The following CLYBL variants were observed in gnomAD, a reference collection of about 807,000 sequenced individuals.
CLYBL encodes citramalyl-CoA lyase, mitochondrial.
A neutral mutation model predicts 38.9 loss-of-function variants in CLYBL; 31 were observed. The observed-to-expected ratio is 0.80, with a 90% confidence interval of 0.60 to 1.08. CLYBL has a LOEUF of 1.08. Ranked by LOEUF, CLYBL falls within the 50% of genes least tolerant of loss-of-function variation. The probability of loss-of-function intolerance (pLI) is 0.00; values close to 1 mark genes in which losing one functional copy is unlikely to be tolerated. For synonymous variants in CLYBL, 171 were observed against 158.6 expected, an observed-to-expected ratio of 1.08 and a Z score of -0.59; for missense variants, 434 against 411.6, an observed-to-expected ratio of 1.05 and a Z score of -0.47.
chr13:99,830,032 G>A (rs1423408293), intron 2 of CLYBL, among the ~76,000 whole-genome samples: 1 of 152,142 alleles, frequency 6.6e-6, no homozygotes, highest in Non-Finnish European at 1.5e-5. Flanking sequence ...ACAAGCTCTC[G>A]GATGGGCTTC....
chr13:99,709,466 A>G (rs2048194952), intron 1 of CLYBL, among the ~76,000 whole-genome samples: 2 of 152,150 alleles, frequency 1.3e-5, no homozygotes, highest in South Asian at 4.1e-4. Context: ...GTCCTGGCCA[A>G]TGGGAGATAC....
At chr13:99,741,435 T>C (rs1566308665) in intron 1 of CLYBL, among the ~76,000 whole-genome samples, 1 of 152,194 alleles carries the variant, frequency 6.6e-6, no homozygotes, top group African/African-American at 2.4e-5. Context: ...CCAACCTTCA[T>C]CCATCGAGGG....
intron 1 of CLYBL, among the ~76,000 whole-genome samples, chr13:99,668,834 A>G (rs1056365716): frequency 6.6e-6 from 1 of 152,042 alleles, no homozygotes; most frequent in African/African-American, 2.4e-5. Context: ...GGATAAAATC[A>G]CACTCCAAGG....
chr13:99,725,112 C>T (rs562780611), intron 1 of CLYBL, among the ~76,000 whole-genome samples: 23 of 152,330 alleles, frequency 1.5e-4, no homozygotes, highest in African/African-American at 4.8e-4. Flanking sequence ...GGAAGAGGCA[C>T]GCACTGCAGA....
chr13:99,716,469 C>T (rs1395743234), intron 1 of CLYBL, among the ~76,000 whole-genome samples: 6 of 149,522 alleles, frequency 4.0e-5, no homozygotes, highest in Non-Finnish European at 7.4e-5. Flanking sequence ...CTGCAACCTC[C>T]GCCTCCCGGG....
In CLYBL at chr13:99,618,012, C is replaced by G. The variant is rs554967655; in HGVS notation, c.62+11255C>G. On this transcript the variant is annotated intron_variant, in intron 1 of 8. Transcript: ENST00000339105. ...TTCATTTTTTCCTATTGCCCCATTTCCACCAGACATATCACATGCTTATTT... is the reference window on the plus strand; with the variant it reads ...TTCATTTTTTCCTATTGCCCCATTTGCACCAGACATATCACATGCTTATTT... 2.3e-4 allele frequency among the ~76,000 whole-genome samples: 35 copies of G among 152,314 alleles called. No homozygotes were observed. The South Asian group carries it at 6.8e-3, about 30-fold the overall frequency.
rs550177344 is a variant in CLYBL at position 99,776,504 on chromosome 13, A to G, written c.249+3494A>G. On this transcript the variant is annotated intron_variant, in intron 2 of 8. Transcript: ENST00000339105. Reference sequence around the variant, plus strand: ...GAGCAGGACTCTGTCTCAAAAAAAAAAAGTTGTTTTTTTTTTTTTCTTAAA... The same window carrying G: ...GAGCAGGACTCTGTCTCAAAAAAAAGAAGTTGTTTTTTTTTTTTTCTTAAA... 5.3e-5 allele frequency among the ~76,000 whole-genome samples: 6 copies of G among 112,820 alleles called. No individual in the cohort carries two copies. The South Asian group carries it at 1.1e-3, about 20-fold the overall frequency. The allele number at this position is 112,820 out of a possible 152,430, so 74.0% of individuals were successfully genotyped here. A position where few individuals can be genotyped will look rare whatever the true frequency, so the allele number is the denominator to read the frequency against.
chr13:99,882,255 G>C (rs191749493), intron 7 of CLYBL, among the ~76,000 whole-genome samples: 3 of 152,212 alleles, frequency 2.0e-5, no homozygotes, highest in East Asian at 1.9e-4. Context: ...TTCTAGTCTC[G>C]TCCTCTTAAG....
At chr13:99,821,139 G>A (rs2050580587) in intron 2 of CLYBL, among the ~76,000 whole-genome samples, 1 of 152,142 alleles carries the variant, frequency 6.6e-6, no homozygotes, top group Admixed American at 6.5e-5. Context: ...AATTGATTGG[G>A]GTTTCCGGAT....
At chr13:99,723,538 A>G (rs545111942) in intron 1 of CLYBL, among the ~76,000 whole-genome samples, 20 of 152,328 alleles carry the variant, frequency 1.3e-4, no homozygotes, top group African/African-American at 4.6e-4. Flanking sequence ...AATTTAGATT[A>G]AATAGGGCTG....
intron 1 of CLYBL, among the ~76,000 whole-genome samples, chr13:99,676,148 C>T (rs1343965836): frequency 1.3e-5 from 2 of 148,836 alleles, no homozygotes; most frequent in Non-Finnish European, 3.0e-5. Flanking sequence ...GAGCCACCAC[C>T]CCTGGCCACA....
chr13:99,613,546 C>A (rs145295389), intron 1 of CLYBL, among the ~76,000 whole-genome samples: 3 of 151,722 alleles, frequency 2.0e-5, no homozygotes, highest in African/African-American at 7.3e-5. Context: ...TGCTGTGAGG[C>A]CACTAAGGGA....
intron 1 of CLYBL, among the ~76,000 whole-genome samples, chr13:99,630,102 TA>T (rs1437834118): frequency 6.6e-6 from 1 of 152,172 alleles, no homozygotes; most frequent in African/African-American, 2.4e-5. Flanking sequence ...GATGGGGGCC[TA>T]AGCTGGAAGT....
chr13:99,754,972 AC>A (rs2049034226), intron 1 of CLYBL, among the ~76,000 whole-genome samples: 1 of 149,674 alleles, frequency 6.7e-6, no homozygotes, highest in Non-Finnish European at 1.5e-5. Flanking sequence ...ATCTCGCCTC[AC>A]TGCAAGCTCC....
rs1288283539 is a variant in CLYBL at position 99,772,940 on chromosome 13, A to C, written c.179A>C (p.Lys60Thr). Residue 60 changes from lysine to threonine, a missense_variant, in exon 2 of 9, where the codon AAG (lysine) becomes ACG (threonine). Coordinates refer to ENST00000339105, the MANE Select transcript of CLYBL (RefSeq NM_206808.5). Reference sequence around the variant, plus strand: ...CCTGGAAATGATGAAAAGAAAATAAAGAAGATTCCATCCCTGAATGTAGAT... The same window carrying C: ...CCTGGAAATGATGAAAAGAAAATAACGAAGATTCCATCCCTGAATGTAGAT... ...YVPGNDEKKIKKIPSLNVDCA... is the reference protein window; with the variant it reads ...YVPGNDEKKITKIPSLNVDCA... The C allele has an allele frequency of 6.2e-7, 1 of 1,613,908 alleles. No homozygotes were observed. Among genetic ancestry groups the C allele is most frequent in the East Asian group, 2.2e-5 (1 of 44,872 alleles).
At chr13:99,694,274 C>T (rs1443910764) in intron 1 of CLYBL, among the ~76,000 whole-genome samples, 1 of 152,174 alleles carries the variant, frequency 6.6e-6, no homozygotes, top group Non-Finnish European at 1.5e-5. Context: ...TGGAGAAAAA[C>T]ATCAGTCATT....
chr13:99,713,602 A>G (rs1479248636), intron 1 of CLYBL, among the ~76,000 whole-genome samples: 1 of 151,994 alleles, frequency 6.6e-6, no homozygotes, highest in African/African-American at 2.4e-5. Flanking sequence ...GGCCTTCCAA[A>G]GTGCTGGGAT....
intron 2 of CLYBL, among the ~76,000 whole-genome samples, chr13:99,838,486 G>A (rs1468558646): frequency 1.3e-5 from 2 of 148,728 alleles, no homozygotes; most frequent in Non-Finnish European, 2.9e-5. Context: ...AAATGCCACC[G>A]TGTGTGGCAT....
chr13:99,908,054 G>T (rs906912909), intron 9 of CLYBL, among the ~76,000 whole-genome samples: 28 of 152,180 alleles, frequency 1.8e-4, no homozygotes, highest in Admixed American at 1.6e-3. Context: ...GTTCCCTGCA[G>T]GTTCTTGGAA....
Sources: allele counts gnomAD v4.1 joint callset (sites outside exome capture counted in the v4.1 genomes callset), GRCh38; gene constraint gnomAD v4.1.1; transcripts MANE v1.5; gene names NCBI Gene and HGNC (gene_info 2026-07-23, HGNC 2026-07-21).